The following NCAM2 variants were observed in gnomAD, a reference collection of about 807,000 sequenced individuals.
The protein encoded by NCAM2 is neural cell adhesion molecule 2, also known as N-CAM-2.
NCAM2 carries 30 observed loss-of-function variants against 98.1 expected under a neutral mutation model. The ratio of observed to expected loss-of-function variants is 0.31; its 90% confidence interval spans 0.23 to 0.41. The LOEUF is 0.41. NCAM2 is among the 10% of genes least tolerant of loss of function. The probability of loss-of-function intolerance (pLI) is 1.00; values close to 1 mark genes in which losing one functional copy is unlikely to be tolerated. For missense variants in NCAM2, 867 were observed against 1,005.8 expected, an observed-to-expected ratio of 0.86 and a Z score of 1.87; for synonymous variants, 368 against 342.4, an observed-to-expected ratio of 1.07 and a Z score of -0.83.
At chr21:21,253,534 A>G (rs1055236710) in intron 1 of NCAM2, among the ~76,000 whole-genome samples, 4 of 152,178 alleles carry the variant, frequency 2.6e-5, no homozygotes, top group East Asian at 3.9e-4. Flanking sequence ...AGAAGGCTCC[A>G]TCAATGAACC....
intron 1 of NCAM2, among the ~76,000 whole-genome samples, chr21:21,237,352 CAGT>C (rs1349318122): frequency 9.9e-5 from 15 of 152,122 alleles, no homozygotes; most frequent in East Asian, 9.7e-4. Context: ...TTAGCTCTGT[CAGT>C]AGGTAAGATG....
chr21:21,279,864 G>T (rs1257205499), intron 1 of NCAM2, among the ~76,000 whole-genome samples: 1 of 152,198 alleles, frequency 6.6e-6, no homozygotes, highest in Non-Finnish European at 1.5e-5. Flanking sequence ...AGGTGAGACG[G>T]AGTTTGGAAA....
At chr21:21,266,450 T>C (rs2072276748) in intron 1 of NCAM2, among the ~76,000 whole-genome samples, 1 of 152,054 alleles carries the variant, frequency 6.6e-6, no homozygotes, top group East Asian at 1.9e-4. Context: ...CTATTCACAA[T>C]AGCAAAGACT....
intron 16 of NCAM2, among the ~76,000 whole-genome samples, chr21:21,526,997 A>G (rs556495819): frequency 6.6e-6 from 1 of 152,344 alleles, no homozygotes; most frequent in East Asian, 1.9e-4. Flanking sequence ...TGACCTAAAT[A>G]TAAATCAAAA....
chr21:21,394,847 T>A (rs1415694525), intron 9 of NCAM2, among the ~76,000 whole-genome samples: 1 of 152,180 alleles, frequency 6.6e-6, no homozygotes, highest in Non-Finnish European at 1.5e-5. Context: ...AATTTCTGTG[T>A]CTTTAGAAAT....
intron 8 of NCAM2, among the ~76,000 whole-genome samples, chr21:21,343,772 T>A (rs1050426854): frequency 6.6e-6 from 1 of 152,064 alleles, no homozygotes; most frequent in South Asian, 2.1e-4. Flanking sequence ...GTGCTCTGTG[T>A]CTCCCAGTAA....
chr21:21,394,625 A>G (rs953896567), intron 9 of NCAM2, among the ~76,000 whole-genome samples: 3 of 151,318 alleles, frequency 2.0e-5, no homozygotes, highest in Non-Finnish European at 4.4e-5. Context: ...AGTAGCTGGG[A>G]CTACAGGTGC....
At chr21:21,410,520 A>G (rs994422305) in intron 10 of NCAM2, 59 bp downstream of exon 10, 25 of 974,088 alleles carry the variant, frequency 2.6e-5, no homozygotes, top group Non-Finnish European at 3.0e-5. Flanking sequence ...CTACTATTTC[A>G]GAATATATTT....
chr21:21,240,310 TAG>T (rs1396520685), intron 1 of NCAM2, among the ~76,000 whole-genome samples: 1 of 151,914 alleles, frequency 6.6e-6, no homozygotes, highest in African/African-American at 2.4e-5. Flanking sequence ...CAAAATTTTA[TAG>T]AGTTTTAACT....
intron 6 of NCAM2, among the ~76,000 whole-genome samples, chr21:21,326,823 C>T (rs1233069327): frequency 6.6e-6 from 1 of 151,448 alleles, no homozygotes; most frequent in African/African-American, 2.4e-5. Context: ...GTGGTTGTAA[C>T]GTTAACGAAG....
chr21:21,016,127 TTGG>T (rs2146162452), intron 1 of NCAM2, among the ~76,000 whole-genome samples: 1 of 152,280 alleles, frequency 6.6e-6, no homozygotes, highest in East Asian at 1.9e-4. Context: ...CCTAAATTAA[TTGG>T]TGGTGAGGAG....
intron 1 of NCAM2, among the ~76,000 whole-genome samples, chr21:21,248,745 C>T (rs975624528): frequency 2.6e-5 from 3 of 116,016 alleles, no homozygotes; most frequent in Non-Finnish European, 4.9e-5. Context: ...CCACTGCATT[C>T]CAGCCTGGGC....
intron 8 of NCAM2, among the ~76,000 whole-genome samples, chr21:21,355,977 C>A (rs1330205052): frequency 6.6e-6 from 1 of 152,106 alleles, no homozygotes; most frequent in African/African-American, 2.4e-5. Flanking sequence ...CACAAATACA[C>A]ATAAATTGTA....
intron 1 of NCAM2, among the ~76,000 whole-genome samples, chr21:21,268,004 A>G (rs1370962716): frequency 6.6e-6 from 1 of 152,132 alleles, no homozygotes; most frequent in African/African-American, 2.4e-5. Context: ...GGACCCTTAG[A>G]TACATGCTCA....
chr21:21,047,300 A>G lies in NCAM2; in HGVS notation c.55+48682A>G, dbSNP rs564519283. On this transcript the variant is annotated intron_variant, in intron 1 of 17. Transcript: ENST00000400546. ...TTTTAAAAACAACAATTATTTGAAAATAGAAAAATATGCCAGAAAGCAAAA... is the reference window on the plus strand; with the variant it reads ...TTTTAAAAACAACAATTATTTGAAAGTAGAAAAATATGCCAGAAAGCAAAA... Among the ~76,000 whole-genome samples, 4 of 152,306 alleles carry G rather than the reference A, an allele frequency of 2.6e-5. No homozygotes were observed. The East Asian group carries it at 7.7e-4, about 29-fold the overall frequency.
At chr21:21,394,489 TTTTTTTTTTTTTTTTTTG>T in intron 9 of NCAM2, among the ~76,000 whole-genome samples, 1 of 121,068 alleles carries the variant, frequency 8.3e-6, no homozygotes. Flanking sequence ...TTTTTTTTTT[TTTTTTTTTTTTTTTTTTG>T]AGACAGAGTT....
intron 1 of NCAM2, among the ~76,000 whole-genome samples, chr21:21,148,601 C>T (rs8127261): frequency 0.97 from 147,723 of 152,306 alleles, 71,785 homozygotes; most frequent in East Asian, 1. Flanking sequence ...TTAGAATCTT[C>T]AAAAGTAGAT....
chr21:21,240,621 C>A (rs2071029752), intron 1 of NCAM2, among the ~76,000 whole-genome samples: 1 of 152,114 alleles, frequency 6.6e-6, no homozygotes, highest in African/African-American at 2.4e-5. Context: ...ACAAATTATT[C>A]TTCTGTGAAA....
chr21:21,462,895 A>G (rs910028237), intron 12 of NCAM2, among the ~76,000 whole-genome samples: 4 of 152,090 alleles, frequency 2.6e-5, no homozygotes, highest in Admixed American at 6.6e-5. Flanking sequence ...AAATACCTTA[A>G]TTTATACTTT....
Sources: allele counts gnomAD v4.1 joint callset (sites outside exome capture counted in the v4.1 genomes callset), GRCh38; gene constraint gnomAD v4.1.1; transcripts MANE v1.5; gene names NCBI Gene and HGNC (gene_info 2026-07-23, HGNC 2026-07-21).